The following DENND2C variants were observed in gnomAD, a reference collection of about 807,000 sequenced individuals.
The protein encoded by DENND2C is DENN domain containing 2C.
A neutral mutation model predicts 112.4 loss-of-function variants in DENND2C; 72 were observed. That is an observed-to-expected ratio of 0.64 (90% CI 0.53 to 0.78). The LOEUF (loss-of-function observed/expected upper bound fraction) is 0.78. DENND2C is among the 30% of genes least tolerant of loss of function. The pLI is 0.00. For synonymous variants in DENND2C, 329 were observed against 381.6 expected (o/e 0.86, Z 1.61); for missense variants, 992 against 1,113.8 (o/e 0.89, Z 1.56).
Position 114,642,844 on chromosome 1 carries a change from T to G in DENND2C, c.-205+2604A>C, listed in dbSNP as rs912014255. On this transcript the variant is annotated intron_variant, in intron 3 of 20. Coordinates refer to ENST00000393274, the MANE Select transcript of DENND2C (RefSeq NM_001256404.2). ...TGGAATACAGTAACTGCTCAATAAA[T>G]GACAGGTACTATAAATTTCTCTCTG... Among the ~76,000 whole-genome samples the G allele has an allele frequency of 9.2e-5, 14 of 152,306 alleles. No individual in the cohort carries two copies. In the East Asian group the frequency reaches 2.5e-3, roughly 27 times the overall value.
At chr1:114,640,822 A>T (rs1336069916) in intron 3 of DENND2C, among the ~76,000 whole-genome samples, 2 of 152,244 alleles carry the variant, frequency 1.3e-5, no homozygotes, top group Non-Finnish European at 2.9e-5. Flanking sequence ...CACAAAACAC[A>T]ATTTTAACAT....
chr1:114,611,881 C>T (rs76496773), intron 8 of DENND2C, among the ~76,000 whole-genome samples: 1 of 150,440 alleles, frequency 6.6e-6, no homozygotes, highest in Admixed American at 6.6e-5. Context: ...AATAGAAATA[C>T]AAAGAAAGGG....
chr1:114,639,207 C>A (rs1312165974), intron 3 of DENND2C, among the ~76,000 whole-genome samples: 1 of 152,158 alleles, frequency 6.6e-6, no homozygotes, highest in Non-Finnish European at 1.5e-5. Flanking sequence ...ACCTGCAACT[C>A]TCAAGTATTG....
At chr1:114,668,421 AG>A (rs1424395855) in intron 1 of DENND2C, among the ~76,000 whole-genome samples, 9 of 152,146 alleles carry the variant, frequency 5.9e-5, no homozygotes, top group African/African-American at 2.2e-4. Flanking sequence ...ACCATTTAAA[AG>A]TAATATAATT....
intron 9 of DENND2C, among the ~76,000 whole-genome samples, chr1:114,609,951 T>G (rs1229014601): frequency 6.6e-6 from 1 of 152,198 alleles, no homozygotes; most frequent in African/African-American, 2.4e-5. Flanking sequence ...ATTAGTCATC[T>G]TCACACATCT....
chr1:114,663,996 T>C (rs147714408), intron 1 of DENND2C, among the ~76,000 whole-genome samples: 218 of 147,180 alleles, frequency 1.5e-3, no homozygotes, highest in African/African-American at 5.3e-3. Context: ...TGGAGTGCAA[T>C]GGCACGATCT....
intron 1 of DENND2C, among the ~76,000 whole-genome samples, chr1:114,655,444 C>T (rs1236588426): frequency 1.3e-5 from 2 of 152,130 alleles, no homozygotes; most frequent in East Asian, 1.9e-4. Context: ...ATTTATGAAG[C>T]ACCTATGATG....
At position 114,585,152 on chromosome 1, in the gene DENND2C, T is replaced by G. The variant is rs1655008252; in HGVS notation, c.*448A>C. The G allele has an allele frequency of 6.1e-6, 1 of 165,164 alleles. No individual in the cohort carries two copies. The allele number at this position is 165,164 out of a possible 1,614,324, so 10.2% of individuals were successfully genotyped here. A position where few individuals can be genotyped will look rare whatever the true frequency, so the allele number is the denominator to read the frequency against. ...CATGGGTTTAAAGGGGCCATGATAGTTCAGTGATGAGAATTATGTGTATAA... is the reference window on the plus strand; with the variant it reads ...CATGGGTTTAAAGGGGCCATGATAGGTCAGTGATGAGAATTATGTGTATAA... On this transcript the variant is annotated 3_prime_UTR_variant, in exon 21 of 21. Transcript: ENST00000393274.
At chr1:114,652,364 G>A (rs989068201) in intron 2 of DENND2C, among the ~76,000 whole-genome samples, 3 of 152,098 alleles carry the variant, frequency 2.0e-5, no homozygotes, top group Admixed American at 6.5e-5. Context: ...CTGCAATAAT[G>A]TGAATTTGAA....
Position 114,606,773 on chromosome 1 carries a change from G to A in DENND2C, c.1558-1742C>T, listed in dbSNP as rs144137042. Among the ~76,000 whole-genome samples the A allele has an allele frequency of 1.8e-4, 28 of 152,310 alleles. No homozygotes were observed. In the East Asian group the frequency reaches 5.2e-3, roughly 28 times the overall value. On this transcript the variant is annotated intron_variant, in intron 10 of 20. Transcript: ENST00000393274. ...CTCTCCCAGACACCCAGGTGCTGCA[G>A]TCTGCAATCCGGTACACAAGTGGCC...
chr1:114,590,718 G>C (rs1655162539), intron 18 of DENND2C, among the ~76,000 whole-genome samples: 1 of 146,846 alleles, frequency 6.8e-6, no homozygotes, highest in African/African-American at 2.5e-5. Flanking sequence ...GGTGGAGCCT[G>C]CAGTGAGCCA....
intron 1 of DENND2C, among the ~76,000 whole-genome samples, chr1:114,655,375 C>T (rs1263929173): frequency 6.6e-6 from 1 of 152,146 alleles, no homozygotes; most frequent in African/African-American, 2.4e-5. Flanking sequence ...GAGAAGTCAT[C>T]TACAAAATGA....
chr1:114,646,097 T>A (rs1656979180), intron 2 of DENND2C, among the ~76,000 whole-genome samples: 1 of 152,032 alleles, frequency 6.6e-6, no homozygotes, highest in African/African-American at 2.4e-5. Context: ...CGGCTAATTT[T>A]TTTGTATTTT....
chr1:114,596,808 A>G (rs138879236), intron 16 of DENND2C, among the ~76,000 whole-genome samples: 1 of 152,304 alleles, frequency 6.6e-6, no homozygotes, highest in East Asian at 1.9e-4. Context: ...GTAATGGGGA[A>G]CAGTCTTTTC....
chr1:114,650,125 C>T (rs1461716623), intron 2 of DENND2C, among the ~76,000 whole-genome samples: 1 of 149,796 alleles, frequency 6.7e-6, no homozygotes, highest in Non-Finnish European at 1.5e-5. Context: ...AGTTCAAGAC[C>T]AGCCTGGCTA....
chr1:114,655,478 T>TA (rs1171053332), intron 1 of DENND2C, among the ~76,000 whole-genome samples: 3 of 152,260 alleles, frequency 2.0e-5, no homozygotes, highest in Non-Finnish European at 2.9e-5. Flanking sequence ...CAAAAACCTA[T>TA]AAAAAATTTT....
chr1:114,636,325 A>G (rs1272603860), intron 3 of DENND2C, among the ~76,000 whole-genome samples: 1 of 152,216 alleles, frequency 6.6e-6, no homozygotes. Flanking sequence ...AGAATGGGAA[A>G]AAGGCAAGGA....
intron 3 of DENND2C, among the ~76,000 whole-genome samples, chr1:114,632,954 CA>C (rs1021640852): frequency 1.3e-5 from 2 of 151,672 alleles, no homozygotes; most frequent in Non-Finnish European, 2.9e-5. Context: ...ATGAGGAGAA[CA>C]AAAAATGGTA....
chr1:114,600,866 C>T lies in DENND2C; in HGVS notation c.1910G>A (p.Gly637Glu). The change falls in exon 14 of 21, where the codon GGA becomes GAA. Residue 637 changes from glycine to glutamate, a missense_variant. Physicochemically the swap from Gly to Glu is moderately conservative, Grantham distance 98. Coordinates refer to ENST00000393274, the MANE Select transcript of DENND2C (RefSeq NM_001256404.2). Reference sequence around the variant, plus strand: ...GTAACTCTTAACTGTGATGGTGCGTCCAGGAGCTGGGAAAGGAGCTTCCAT... The same window carrying T: ...GTAACTCTTAACTGTGATGGTGCGTTCAGGAGCTGGGAAAGGAGCTTCCAT... Reference protein sequence around the residue: ...SVMEAPFPAPGRTITVKSYLP... With the variant: ...SVMEAPFPAPERTITVKSYLP... The T allele has an allele frequency of 6.2e-7, 1 of 1,614,054 alleles. No individual in the cohort carries two copies. The highest frequency in any genetic ancestry group is 1.6e-4 in the Middle Eastern group (1 of 6,062).
Sources: allele counts gnomAD v4.1 joint callset (sites outside exome capture counted in the v4.1 genomes callset), GRCh38; gene constraint gnomAD v4.1.1; transcripts MANE v1.5; gene names NCBI Gene and HGNC (gene_info 2026-07-23, HGNC 2026-07-21).